Variants in FMN2 observed in about 807,000 individuals in gnomAD.
The protein encoded by FMN2 is formin 2.
In FMN2, 51 loss-of-function variants were observed where a neutral mutation model predicts 142.3. The ratio of observed to expected loss-of-function variants is 0.36; its 90% confidence interval spans 0.29 to 0.45. The LOEUF (loss-of-function observed/expected upper bound fraction) is 0.45. Ranked by LOEUF, FMN2 falls within the 20% of genes least tolerant of loss-of-function variation. FMN2 has a pLI of 1.00. For missense variants in FMN2, 1,936 were observed against 2,122.8 expected, an observed-to-expected ratio of 0.91 and a Z score of 1.73; for synonymous variants, 882 against 869.8, an observed-to-expected ratio of 1.01 and a Z score of -0.25.
At chr1:240,231,097 T>C (rs1376522485) in intron 6 of FMN2, among the ~76,000 whole-genome samples, 2 of 131,626 alleles carry the variant, frequency 1.5e-5, no homozygotes, top group African/African-American at 6.5e-5. Flanking sequence ...GTAAAAACTT[T>C]CCTATTCCAG....
intron 16 of FMN2, among the ~76,000 whole-genome samples, chr1:240,447,452 G>T (rs1331655809): frequency 6.6e-6 from 1 of 152,120 alleles, no homozygotes; most frequent in Non-Finnish European, 1.5e-5. Flanking sequence ...ATTCCACATT[G>T]TTAGTCCTCA....
intron 2 of FMN2, among the ~76,000 whole-genome samples, chr1:240,140,917 G>A (rs1337537725): frequency 6.6e-6 from 1 of 152,198 alleles, no homozygotes; most frequent in Non-Finnish European, 1.5e-5. Flanking sequence ...AGACATTTGA[G>A]CTGAAAAGGT....
At chr1:240,182,022 A>G (rs927023663) in intron 3 of FMN2, among the ~76,000 whole-genome samples, 2 of 152,208 alleles carry the variant, frequency 1.3e-5, no homozygotes, top group African/African-American at 2.4e-5. Flanking sequence ...GGCACATAGT[A>G]TGTACTTAAA....
chr1:240,151,267 G>T (rs1483917940), intron 2 of FMN2, among the ~76,000 whole-genome samples: 2 of 152,148 alleles, frequency 1.3e-5, no homozygotes, highest in African/African-American at 4.8e-5. Context: ...GTGAGTCAGT[G>T]CCCATTCTAA....
At chr1:240,345,442 C>A (rs1572214538) in intron 13 of FMN2, among the ~76,000 whole-genome samples, 1 of 152,104 alleles carries the variant, frequency 6.6e-6, no homozygotes, top group East Asian at 1.9e-4. Flanking sequence ...TGATTCGATC[C>A]CATGAGAAAC....
chr1:240,291,559 T>C (rs1050635594), intron 7 of FMN2, among the ~76,000 whole-genome samples: 4 of 152,204 alleles, frequency 2.6e-5, no homozygotes, highest in Non-Finnish European at 5.9e-5. Flanking sequence ...GAATATTCTT[T>C]TAAATTTTGG....
intron 2 of FMN2, among the ~76,000 whole-genome samples, chr1:240,149,006 T>C (rs1019017721): frequency 4.6e-5 from 7 of 152,008 alleles, no homozygotes; most frequent in African/African-American, 1.7e-4. Flanking sequence ...AAAACTCGTA[T>C]ATTAAATGTA....
At chr1:240,158,949 C>A (rs1316909786) in intron 2 of FMN2, among the ~76,000 whole-genome samples, 1 of 152,038 alleles carries the variant, frequency 6.6e-6, no homozygotes, top group Non-Finnish European at 1.5e-5. Context: ...TATATATAGT[C>A]TTTTATCTGG....
At chr1:240,309,747 G>A (rs1670539437) in intron 8 of FMN2, among the ~76,000 whole-genome samples, 1 of 152,028 alleles carries the variant, frequency 6.6e-6, no homozygotes, top group Non-Finnish European at 1.5e-5. Context: ...TGTAAAGGGG[G>A]ACCGGGAGCT....
At chr1:240,370,488 CAT>C (rs1432989630) in intron 14 of FMN2, among the ~76,000 whole-genome samples, 2 of 152,292 alleles carry the variant, frequency 1.3e-5, no homozygotes, top group African/African-American at 2.4e-5. Context: ...ATGGTAAAAA[CAT>C]GTGTGTATGT....
At chr1:240,441,156 G>T (rs534807568) in intron 16 of FMN2, among the ~76,000 whole-genome samples, 1 of 151,946 alleles carries the variant, frequency 6.6e-6, no homozygotes, top group African/African-American at 2.4e-5. Context: ...CTCCATGCCC[G>T]GCTAATTTTT....
chr1:240,354,848 T>C (rs1018055120), intron 13 of FMN2, among the ~76,000 whole-genome samples: 6 of 152,158 alleles, frequency 3.9e-5, no homozygotes, highest in Non-Finnish European at 8.8e-5. Flanking sequence ...GGGGATTTTT[T>C]TGTTGTTGTC....
chr1:240,139,007 C>T (rs1389677750), intron 2 of FMN2, among the ~76,000 whole-genome samples: 1 of 152,230 alleles, frequency 6.6e-6, no homozygotes, highest in Non-Finnish European at 1.5e-5. Context: ...CTTGTTACAA[C>T]ACAGATTGCT....
At chr1:240,237,941 T>C (rs1480718844) in intron 6 of FMN2, among the ~76,000 whole-genome samples, 1 of 152,230 alleles carries the variant, frequency 6.6e-6, no homozygotes, top group Non-Finnish European at 1.5e-5. Flanking sequence ...AAATTGCTTT[T>C]ATTTGACTTC....
chr1:240,298,725 C>T (rs1484686455), intron 8 of FMN2, among the ~76,000 whole-genome samples: 2 of 152,126 alleles, frequency 1.3e-5, no homozygotes, highest in Admixed American at 6.5e-5. Flanking sequence ...AGAACAATTT[C>T]ATCACCAAAC....
chr1:240,460,723 TA>T (rs985710069), intron 16 of FMN2, among the ~76,000 whole-genome samples: 1 of 59,434 alleles, frequency 1.7e-5, no homozygotes, highest in African/African-American at 8.1e-5. Context: ...AGCAAGAAAG[TA>T]AAATATTAAA....
intron 1 of FMN2, among the ~76,000 whole-genome samples, chr1:240,116,968 T>G (rs1662048874): frequency 6.6e-6 from 1 of 151,888 alleles, no homozygotes. Context: ...AAGGGAGGAT[T>G]TGTTCTTTCG....
At chr1:240,168,733 G>T (rs10802844) in intron 2 of FMN2, among the ~76,000 whole-genome samples, 40,168 of 152,010 alleles carry the variant, frequency 0.26, 5,385 homozygotes, top group South Asian at 0.34. Context: ...TTAGTGAAAA[G>T]ATTAAAGAAA....
At chr1:240,471,122 A>T (rs1057061085) in intron 16 of FMN2, among the ~76,000 whole-genome samples, 1 of 152,148 alleles carries the variant, frequency 6.6e-6, no homozygotes, top group African/African-American at 2.4e-5. Context: ...TTTTAACTAT[A>T]CCTCTGGTCA....
Sources: allele counts gnomAD v4.1 joint callset (sites outside exome capture counted in the v4.1 genomes callset), GRCh38; gene constraint gnomAD v4.1.1; transcripts MANE v1.5; gene names NCBI Gene and HGNC (gene_info 2026-07-23, HGNC 2026-07-21).